Variants in RXFP2 observed in about 807,000 individuals in gnomAD.
RXFP2 encodes the protein relaxin receptor 2.
Under a neutral mutation model 88.6 loss-of-function variants are expected in RXFP2, and 68 were observed. The observed-to-expected ratio is 0.77, with a 90% CI of 0.63 to 0.94. The LOEUF is 0.94. Among genes scored for constraint, RXFP2 ranks in the 40% least tolerant of loss-of-function variants. The pLI, the probability that RXFP2 is intolerant of heterozygous loss-of-function variation, is 0.00. For missense variants in RXFP2, 791 were observed against 893.9 expected (o/e 0.88, Z 1.47); for synonymous variants, 329 against 306.8 (o/e 1.07, Z -0.76).
At chr13:31,759,401 G>GAAAGAAAGAA (rs1218885037) in intron 2 of RXFP2, among the ~76,000 whole-genome samples, 26 of 147,830 alleles carry the variant, frequency 1.8e-4, no homozygotes, top group Middle Eastern at 3.4e-3. Flanking sequence ...AAGAAAGAAA[G>GAAAGAAAGAA]AAAGAAAGAA....
At chr13:31,770,840 G>T (rs1384803932) in intron 5 of RXFP2, among the ~76,000 whole-genome samples, 1 of 152,122 alleles carries the variant, frequency 6.6e-6, no homozygotes, top group African/African-American at 2.4e-5. Flanking sequence ...TTAGTCTATT[G>T]AGGCCTGTGT....
At chr13:31,748,544 T>C (rs1287181760) in intron 1 of RXFP2, among the ~76,000 whole-genome samples, 1 of 152,248 alleles carries the variant, frequency 6.6e-6, no homozygotes, top group Non-Finnish European at 1.5e-5. Context: ...GTTCGGTACC[T>C]ATTCAAGTCT....
In RXFP2 at chr13:31,790,188, C is replaced by A. The variant is rs372964704; in HGVS notation, c.1145+995C>A. On this transcript the variant is annotated intron_variant, in intron 14 of 17. Transcript: ENST00000298386. ...CTTACTCTTCTTTCATATTCCTTGT[C>A]CTTTATTTATTGAAACATCCCCACC... Among the ~76,000 whole-genome samples, 16 of 152,298 alleles carry A rather than the reference C, an allele frequency of 1.1e-4. No homozygotes were observed. In the East Asian group the frequency reaches 2.7e-3, roughly 26 times the overall value.
chr13:31,765,637 G>T (rs999003269), intron 4 of RXFP2, among the ~76,000 whole-genome samples: 16 of 152,096 alleles, frequency 1.1e-4, no homozygotes, highest in African/African-American at 3.6e-4. Flanking sequence ...TGCATGAGTG[G>T]GTTGGGATCT....
chr13:31,774,310 G>T (rs1443959327), intron 5 of RXFP2, among the ~76,000 whole-genome samples: 1 of 152,210 alleles, frequency 6.6e-6, no homozygotes, highest in African/African-American at 2.4e-5. Flanking sequence ...AGAAACTCCT[G>T]CCAGTCAGAA....
intron 16 of RXFP2, among the ~76,000 whole-genome samples, chr13:31,794,484 C>T (rs74858863): frequency 0.014 from 2,166 of 151,452 alleles, 57 homozygotes; most frequent in African/African-American, 0.05. Context: ...ATATTAGGTA[C>T]GGGAGAAACA....
chr13:31,756,940 A>T (rs1871984269), intron 1 of RXFP2, among the ~76,000 whole-genome samples: 1 of 152,210 alleles, frequency 6.6e-6, no homozygotes, highest in East Asian at 1.9e-4. Context: ...TAAAAAAAAC[A>T]TGACTTCTGT....
At position 31,786,754 on chromosome 13, in the gene RXFP2, A is replaced by G. The variant is rs1466666996; in HGVS notation, c.1073+117A>G. The G allele has an allele frequency of 7.2e-6, 5 of 696,500 alleles. No individual in the cohort carries two copies. In the African/African-American group the frequency reaches 9.3e-5, roughly 13 times the overall value. The allele number at this position is 696,500 out of a possible 1,614,324, so 43.1% of individuals were successfully genotyped here. ...GCATGCATTTCAGACAACTGTCTGA[A>G]TCACAGATCCCATCAAGTACATACT... On this transcript the variant is annotated intron_variant, in intron 13 of 17. Coordinates refer to ENST00000298386, the MANE Select transcript of RXFP2 (RefSeq NM_130806.5).
chr13:31,793,430 TC>T (rs1322018878), intron 16 of RXFP2, among the ~76,000 whole-genome samples: 1 of 127,602 alleles, frequency 7.8e-6, no homozygotes, highest in Non-Finnish European at 1.7e-5. Context: ...TTATTTAAAC[TC>T]TTTTTTTTTT....
At chr13:31,796,273 T>G (rs547077984) in intron 16 of RXFP2, among the ~76,000 whole-genome samples, 23 of 151,404 alleles carry the variant, frequency 1.5e-4, no homozygotes, top group Non-Finnish European at 3.0e-4. Flanking sequence ...ATGGTCTCGA[T>G]CTCCTGACCT....
intron 10 of RXFP2, among the ~76,000 whole-genome samples, 174 bp downstream of exon 10, chr13:31,781,916 TCAAGTTAAGGTGCCCACC>T (rs1873300711): frequency 6.6e-6 from 1 of 152,114 alleles, no homozygotes; most frequent in South Asian, 2.1e-4. Context: ...GGACTGAGCC[TCAAGTTAAGGTGCCCACC>T]CTTTAGGGAC....
At chr13:31,763,953 T>A (rs80140714) in intron 3 of RXFP2, among the ~76,000 whole-genome samples, 5,019 of 152,284 alleles carry the variant, frequency 0.033, 224 homozygotes, top group African/African-American at 0.098. Context: ...AAGCATCTTT[T>A]ACATTAAGTA....
At chr13:31,750,656 T>C (rs9315143) in intron 1 of RXFP2, among the ~76,000 whole-genome samples, 85,193 of 151,954 alleles carry the variant, frequency 0.56, 24,994 homozygotes, top group South Asian at 0.71. Context: ...GGGAAAAAAG[T>C]TTTTAACCTG....
rs758727681 is a variant in RXFP2, at chr13:31,765,161, T to C, written c.425+19T>C. The C allele has an allele frequency of 2.1e-6, 3 of 1,403,774 alleles. No homozygotes were observed. Among genetic ancestry groups the C allele is most frequent in the South Asian group, 2.3e-5 (2 of 86,810 alleles). 87.0% of individuals were successfully genotyped at this position (1,403,774 alleles called of 1,614,324 possible). A position where few individuals can be genotyped will look rare whatever the true frequency, so the allele number is the denominator to read the frequency against. On this transcript the variant is annotated intron_variant, in intron 4 of 17. Transcript: ENST00000298386. ...CATTACTGTGAGTAAAACTTAATTA[T>C]TGGTGATATCTGTCCCTATAGTCAC...
chr13:31,769,901 A>G (rs1296957546), intron 5 of RXFP2, among the ~76,000 whole-genome samples: 2 of 152,172 alleles, frequency 1.3e-5, no homozygotes, highest in African/African-American at 2.4e-5. Context: ...TCCTCTCATA[A>G]TTATGTCATC....
intron 3 of RXFP2, among the ~76,000 whole-genome samples, chr13:31,762,425 G>A (rs752649671): frequency 1.3e-5 from 2 of 152,250 alleles, no homozygotes; most frequent in Non-Finnish European, 2.9e-5. Context: ...GCAGGCTGCA[G>A]GATGCCTCTT....
In RXFP2 at chr13:31,776,041, C is replaced by T. The variant is rs1220348485; in HGVS notation, c.641+652C>T. The stretch of plus-strand genomic sequence containing the variant: ...TGCTTAGCCTTCCAGGCAACTTTTT[C>T]TTTCTTTCCTTTCTTTCTTCTTCTT... On this transcript the variant is annotated intron_variant, in intron 7 of 17. Coordinates refer to ENST00000298386, the MANE Select transcript of RXFP2 (RefSeq NM_130806.5). Among the ~76,000 whole-genome samples the T allele has an allele frequency of 2.0e-5, 3 of 150,568 alleles. No individual in the cohort carries two copies. The East Asian group carries it at 5.9e-4, about 30-fold the overall frequency.
intron 17 of RXFP2, among the ~76,000 whole-genome samples, chr13:31,799,478 G>A (rs1258406683): frequency 6.6e-6 from 1 of 152,140 alleles, no homozygotes; most frequent in East Asian, 1.9e-4. Flanking sequence ...GCCTCCTAAA[G>A]TGCTGGGATT....
intron 16 of RXFP2, among the ~76,000 whole-genome samples, chr13:31,793,622 A>G (rs1010071014): frequency 3.3e-5 from 5 of 152,142 alleles, no homozygotes; most frequent in Middle Eastern, 3.2e-3. Flanking sequence ...ATTCCTTCTA[A>G]TATTGTAAAA....
Sources: allele counts gnomAD v4.1 joint callset (sites outside exome capture counted in the v4.1 genomes callset), GRCh38; gene constraint gnomAD v4.1.1; transcripts MANE v1.5; gene names NCBI Gene and HGNC (gene_info 2026-07-23, HGNC 2026-07-21).